Variants in PTPRT observed in about 807,000 individuals in gnomAD.
PTPRT encodes the protein receptor-type tyrosine-protein phosphatase T.
In PTPRT, 56 loss-of-function variants were observed where a neutral mutation model predicts 176.8. The observed-to-expected ratio is 0.32, with a 90% CI of 0.26 to 0.40. PTPRT has a LOEUF of 0.40. Among genes scored for constraint, PTPRT ranks in the 10% least tolerant of loss-of-function variants. The pLI, the probability that PTPRT is intolerant of heterozygous loss-of-function variation, is 1.00. For synonymous variants in PTPRT, 783 were observed against 739.0 expected, an observed-to-expected ratio of 1.06 and a Z score of -0.96; for missense variants, 1,540 against 1,908.2, an observed-to-expected ratio of 0.81 and a Z score of 3.60.
intron 6 of PTPRT, among the ~76,000 whole-genome samples, chr20:42,684,466 T>C (rs2075658141): frequency 6.6e-6 from 1 of 152,182 alleles, no homozygotes; most frequent in Non-Finnish European, 1.5e-5. Flanking sequence ...AGTGAAAGGT[T>C]GAGGGTGGCA....
At chr20:42,118,077 C>A (rs1237180438) in intron 21 of PTPRT, among the ~76,000 whole-genome samples, 1 of 152,124 alleles carries the variant, frequency 6.6e-6, no homozygotes, top group Non-Finnish European at 1.5e-5. Context: ...AATCTGACAG[C>A]AGAGGAGAAG....
intron 7 of PTPRT, among the ~76,000 whole-genome samples, chr20:42,514,597 C>T (rs976707975): frequency 3.9e-5 from 6 of 152,112 alleles, no homozygotes; most frequent in Non-Finnish European, 8.8e-5. Flanking sequence ...AGAAATTCAA[C>T]GTTTTAACAC....
intron 10 of PTPRT, among the ~76,000 whole-genome samples, chr20:42,351,155 C>T (rs1472178992): frequency 6.6e-6 from 1 of 151,498 alleles, no homozygotes; most frequent in African/African-American, 2.4e-5. Flanking sequence ...CCCTCATACT[C>T]AGCTGATAGG....
At chr20:42,494,141 T>C (rs1261739872) in intron 7 of PTPRT, among the ~76,000 whole-genome samples, 2 of 152,184 alleles carry the variant, frequency 1.3e-5, no homozygotes, top group Admixed American at 6.6e-5. Flanking sequence ...TATTGTCATG[T>C]TAAGCTGCAC....
At position 42,840,882 on chromosome 20, in the gene PTPRT, T is replaced by A. The variant is rs574386000; in HGVS notation, c.214+44925A>T. ...CCAGCATCCCCACATATTTGGGAGA[T>A]CCCTAGTGGCCTTCCTGCTCAAGAA... On this transcript the variant is annotated intron_variant, in intron 2 of 30. Transcript: ENST00000373187. Among the ~76,000 whole-genome samples, 50 of 152,254 alleles carry A rather than the reference T, an allele frequency of 3.3e-4. No homozygotes were observed. The South Asian group carries it at 0.01, about 31-fold the overall frequency.
intron 19 of PTPRT, among the ~76,000 whole-genome samples, chr20:42,127,506 G>A (rs1051164760): frequency 6.6e-6 from 1 of 152,114 alleles, no homozygotes; most frequent in African/African-American, 2.4e-5. Context: ...TCAATACAAG[G>A]CTCAATAAGT....
intron 1 of PTPRT, among the ~76,000 whole-genome samples, chr20:42,997,903 A>C (rs1353444805): frequency 6.6e-6 from 1 of 152,122 alleles, no homozygotes; most frequent in Non-Finnish European, 1.5e-5. Context: ...TCAAGGAACC[A>C]AGCACCTCTT....
chr20:42,789,123 T>C (rs1343342630), intron 3 of PTPRT, among the ~76,000 whole-genome samples: 1 of 152,166 alleles, frequency 6.6e-6, no homozygotes, highest in Non-Finnish European at 1.5e-5. Context: ...TTATTACTAA[T>C]GAAAATAAAA....
At chr20:42,186,067 A>G (rs1990769461) in intron 16 of PTPRT, among the ~76,000 whole-genome samples, 1 of 152,104 alleles carries the variant, frequency 6.6e-6, no homozygotes, top group Admixed American at 6.5e-5. Flanking sequence ...TGAAGGGAGA[A>G]GGGGGTCAGG....
intron 7 of PTPRT, among the ~76,000 whole-genome samples, chr20:42,623,068 C>G: frequency 6.6e-6 from 1 of 152,310 alleles, no homozygotes; most frequent in East Asian, 1.9e-4. Context: ...CCACTCCATT[C>G]CCCCTCTAGC....
At chr20:42,954,134 T>A (rs73273634) in intron 1 of PTPRT, among the ~76,000 whole-genome samples, 3,462 of 152,182 alleles carry the variant, frequency 0.023, 153 homozygotes, top group African/African-American at 0.078. Flanking sequence ...GTTAGTTCAA[T>A]CCTGCCAGAG....
At chr20:42,116,044 C>T (rs778174167) in intron 21 of PTPRT, 21 of 723,786 alleles carry the variant, frequency 2.9e-5, no homozygotes, top group East Asian at 5.3e-5. Flanking sequence ...ATTACCATTC[C>T]GGGGGACGCC....
At chr20:42,085,073 G>A (rs1028449705) in intron 28 of PTPRT, among the ~76,000 whole-genome samples, 2 of 152,090 alleles carry the variant, frequency 1.3e-5, no homozygotes, top group African/African-American at 4.8e-5. Flanking sequence ...CTCCTGCTCA[G>A]CCTTCAAAAC....
At chr20:42,321,503 C>CAAA (rs1429839570) in intron 11 of PTPRT, among the ~76,000 whole-genome samples, 4 of 152,184 alleles carry the variant, frequency 2.6e-5, no homozygotes, top group Non-Finnish European at 5.9e-5. Flanking sequence ...CTCCAGTATT[C>CAAA]TCACTCCCTT....
intron 1 of PTPRT, among the ~76,000 whole-genome samples, chr20:43,107,973 G>A (rs970522964): frequency 6.6e-6 from 1 of 151,994 alleles, no homozygotes; most frequent in Non-Finnish European, 1.5e-5. Context: ...CTGCAGGCAG[G>A]GAAAGCTGAA....
chr20:42,309,198 T>G (rs1414931219), intron 12 of PTPRT, among the ~76,000 whole-genome samples: 1 of 152,234 alleles, frequency 6.6e-6, no homozygotes, highest in African/African-American at 2.4e-5. Flanking sequence ...TGATGGATAT[T>G]TGCATGAGTT....
chr20:42,049,502 C>G, the PTPRT span, among the ~76,000 whole-genome samples: 1 of 152,186 alleles, frequency 6.6e-6, no homozygotes, highest in Non-Finnish European at 1.5e-5. Flanking sequence ...TTAAAGGGAA[C>G]CTGGAACTAC....
chr20:42,723,257 T>C (rs2076329396), intron 6 of PTPRT, among the ~76,000 whole-genome samples: 1 of 152,140 alleles, frequency 6.6e-6, no homozygotes, highest in Non-Finnish European at 1.5e-5. Context: ...TCTTACCATC[T>C]TCATTTTGCC....
In PTPRT at chr20:42,955,509, C is replaced by T. The variant is rs145744329; in HGVS notation, c.89-69577G>A. On this transcript the variant is annotated intron_variant, in intron 1 of 30. Coordinates refer to ENST00000373187, the MANE Select transcript of PTPRT (RefSeq NM_007050.6). ...TGCCTGAGGCCTCCCAAGAATAAGC[C>T]TCAATTGCCATGACTGAGGGGCATA... Among the ~76,000 whole-genome samples the T allele has an allele frequency of 1.9e-3, 292 of 152,284 alleles. 2 individuals are homozygous for T. The highest frequency in any genetic ancestry group is 6.8e-3 in the African/African-American group (281 of 41,548).
Sources: allele counts gnomAD v4.1 joint callset (sites outside exome capture counted in the v4.1 genomes callset), GRCh38; gene constraint gnomAD v4.1.1; transcripts MANE v1.5; gene names NCBI Gene and HGNC (gene_info 2026-07-23, HGNC 2026-07-21).